The following SPTBN1 variants were observed in gnomAD, a reference collection of about 807,000 sequenced individuals.
The protein encoded by SPTBN1 is spectrin beta, non-erythrocytic 1, also known as spectrin beta chain, non-erythrocytic 1.
A neutral mutation model predicts 266.4 loss-of-function variants in SPTBN1; 32 were observed. The ratio of observed to expected loss-of-function variants is 0.12; its 90% CI spans 0.09 to 0.16. The LOEUF (loss-of-function observed/expected upper bound fraction) is 0.16, where lower values mean the gene tolerates loss of function less well. Among genes scored for constraint, SPTBN1 ranks in the 10% least tolerant of loss-of-function variants. The pLI is 1.00. For synonymous variants in SPTBN1, 1,336 were observed against 1,162.2 expected, an observed-to-expected ratio of 1.15 and a Z score of -3.04; for missense variants, 2,296 against 3,067.1, an observed-to-expected ratio of 0.75 and a Z score of 5.94.
In SPTBN1 at chr2:54,558,830, A is replaced by C. The variant is rs752662723; in HGVS notation, c.148+32264A>C. ...CTCCGGGCCGCTGTCGCCGGCGTACACGGGGCAGGTGCCTTACAACTACAA... is the reference window on the plus strand; with the variant it reads ...CTCCGGGCCGCTGTCGCCGGCGTACCCGGGGCAGGTGCCTTACAACTACAA... On this transcript the variant is annotated intron_variant, in intron 2 of 35. Coordinates refer to ENST00000356805, the MANE Select transcript of SPTBN1 (RefSeq NM_003128.3). This position sits in a 1 kb window ranked among gnomAD's most constrained non-coding sequence, Gnocchi z 4.6. The C allele has an allele frequency of 3.1e-6, 5 of 1,613,890 alleles. No individual in the cohort carries two copies. The Admixed American group carries it at 6.7e-5, about 22-fold the overall frequency.
intron 19 of SPTBN1, 128 bp downstream of exon 19, chr2:54,643,257 T>C: frequency 7.4e-7 from 1 of 1,353,898 alleles, no homozygotes; most frequent in Non-Finnish European, 9.9e-7. Context: ...ACACAGCCAG[T>C]AATAGCTCCC....
At chr2:54,478,021 G>C (rs1420360539) in intron 1 of SPTBN1, among the ~76,000 whole-genome samples, 1 of 152,014 alleles carries the variant, frequency 6.6e-6, no homozygotes, top group East Asian at 1.9e-4. Flanking sequence ...CCTTTTTGTT[G>C]ATACCAGTAT....
At chr2:54,636,134 A>T (rs981160348) in intron 17 of SPTBN1, among the ~76,000 whole-genome samples, 1 of 152,168 alleles carries the variant, frequency 6.6e-6, no homozygotes, top group South Asian at 2.1e-4. Flanking sequence ...TTGGAGTTTT[A>T]TATCATTTAA....
At chr2:54,615,818 G>T (rs6716759) in intron 4 of SPTBN1, among the ~76,000 whole-genome samples, 3,951 of 152,272 alleles carry the variant, frequency 0.026, 204 homozygotes, top group African/African-American at 0.09. Context: ...ATCAATGAAG[G>T]TTGCACGTGG....
intron 1 of SPTBN1, among the ~76,000 whole-genome samples, chr2:54,503,194 A>G (rs1669362341): frequency 6.6e-6 from 1 of 152,232 alleles, no homozygotes; most frequent in South Asian, 2.1e-4. Flanking sequence ...TGGTGTCTCC[A>G]TGCTGATATA....
chr2:54,581,577 C>CTTTTTTTTTTTTTTTTTTTTTTTTTTTTT (rs70944181), intron 2 of SPTBN1, among the ~76,000 whole-genome samples: 6 of 102,660 alleles, frequency 5.8e-5, no homozygotes, highest in South Asian at 3.7e-4. Context: ...TTTCTTTGCC[C>CTTTTTTTTTTTTTTTTTTTTTTTTTTTTT]TTTTTTTTTT....
intron 3 of SPTBN1, among the ~76,000 whole-genome samples, chr2:54,605,274 C>A (rs575614473): frequency 3.3e-5 from 5 of 152,288 alleles, no homozygotes; most frequent in Admixed American, 3.3e-4. Flanking sequence ...TCCCTCACTT[C>A]CTTTCACATG....
chr2:54,634,801 C>T (rs1679005259), intron 17 of SPTBN1, among the ~76,000 whole-genome samples: 1 of 152,090 alleles, frequency 6.6e-6, no homozygotes, highest in Non-Finnish European at 1.5e-5. Context: ...GAAAGAGTAC[C>T]AGAACAAAGA....
intron 30 of SPTBN1, among the ~76,000 whole-genome samples, chr2:54,658,748 A>G (rs1327649606): frequency 6.6e-6 from 1 of 152,204 alleles, no homozygotes; most frequent in Non-Finnish European, 1.5e-5. Flanking sequence ...ACAGATCCCC[A>G]CCACAGCACA....
chr2:54,671,338 A>G lies in SPTBN1; in HGVS notation c.*2769A>G, dbSNP rs1681676812. ...GTGATGGGCACATTGTCATTTCACCAAGTTCCTGGAACTGTTAGAATTGCT... is the reference window on the plus strand; with the variant it reads ...GTGATGGGCACATTGTCATTTCACCGAGTTCCTGGAACTGTTAGAATTGCT... On this transcript the variant is annotated 3_prime_UTR_variant, in exon 36 of 36. Coordinates refer to ENST00000356805, the MANE Select transcript of SPTBN1 (RefSeq NM_003128.3). The G allele has an allele frequency of 6.6e-6, 1 of 152,212 alleles. No homozygotes were observed. The highest frequency in any genetic ancestry group is 6.5e-5 in the Admixed American group (1 of 15,286). The allele number at this position is 152,212 out of a possible 1,614,324, so 9.4% of individuals were successfully genotyped here.
In SPTBN1 at chr2:54,460,614, G is replaced by A. The variant is rs144206201; in HGVS notation, c.-48+4096G>A. ...ATGTCTGTCATCTGATATAGTCAAT[G>A]TCCTGCCCTCTCGTCCAGTCTTTTC... On this transcript the variant is annotated intron_variant, in intron 1 of 35. Transcript: ENST00000356805. 2.0e-3 allele frequency among the ~76,000 whole-genome samples: 298 copies of A among 152,310 alleles called. 1 individual carries two copies. The highest frequency in any genetic ancestry group is 6.5e-3 in the African/African-American group (272 of 41,568).
rs141798903 is a variant in SPTBN1 at position 54,633,433 on chromosome 2, G to GTC, written c.3767+666_3767+667insCT. On this transcript the variant is annotated intron_variant, in intron 17 of 35. Coordinates refer to ENST00000356805, the MANE Select transcript of SPTBN1 (RefSeq NM_003128.3). Reference sequence around the variant, plus strand: ...CGTGTGTGTGTGTGTGTGCGTGTGTGTGTCTGTCTGTCTGTCTGAAAGATT... The same window carrying GTC: ...CGTGTGTGTGTGTGTGTGCGTGTGTGTCTGTCTGTCTGTCTGTCTGAAAGATT... 4.6e-3 allele frequency among the ~76,000 whole-genome samples: 703 copies of GTC among 151,802 alleles called. 5 individuals are homozygous for GTC. The highest frequency in any genetic ancestry group is 6.1e-3 in the Non-Finnish European group (417 of 67,924).
At chr2:54,579,454 C>T (rs1261485223) in intron 2 of SPTBN1, among the ~76,000 whole-genome samples, 1 of 151,884 alleles carries the variant, frequency 6.6e-6, no homozygotes, top group Admixed American at 6.6e-5. Flanking sequence ...CACACTCACC[C>T]ATAGGGACCG....
At chr2:54,527,828 T>C (rs985750465) in intron 2 of SPTBN1, 1 of 152,184 alleles carries the variant, frequency 6.6e-6, no homozygotes, top group Non-Finnish European at 1.5e-5. Context: ...CCCGCTGGTG[T>C]TGGAGAATCT....
Position 54,629,340 on chromosome 2 carries a change from C to G in SPTBN1, c.2206C>G (p.Arg736Gly). 2 of 1,614,030 alleles carry G rather than the reference C, an allele frequency of 1.2e-6. No individual in the cohort carries two copies. Among genetic ancestry groups the G allele is most frequent in the Non-Finnish European group, 8.5e-7 (1 of 1,180,016 alleles). Residue 736 changes from arginine to glycine, a missense_variant, in exon 14 of 36, where the codon CGG becomes GGG. Coordinates refer to ENST00000356805, the MANE Select transcript of SPTBN1 (RefSeq NM_003128.3). ...CAACCTAGAGCAGCTCTCGGCCATT[C>G]GGAAGAAGCGCCTGGAGGAGGCCTC... Reference protein sequence around the residue: ...WANLEQLSAIRKKRLEEASLL... With the variant: ...WANLEQLSAIGKKRLEEASLL...
At chr2:54,464,310 C>T (rs1194097338) in intron 1 of SPTBN1, among the ~76,000 whole-genome samples, 4 of 151,986 alleles carry the variant, frequency 2.6e-5, no homozygotes, top group East Asian at 1.9e-4. Context: ...TAAATTATGG[C>T]GCAACTGTAG....
intron 2 of SPTBN1, among the ~76,000 whole-genome samples, chr2:54,592,760 T>A (rs1002864544): frequency 6.6e-6 from 1 of 152,198 alleles, no homozygotes. Context: ...CAACAAAAGA[T>A]AGTGAATCTC....
At chr2:54,517,003 G>A (rs6545422) in intron 1 of SPTBN1, among the ~76,000 whole-genome samples, 119,546 of 152,174 alleles carry the variant, frequency 0.79, 47,651 homozygotes, top group African/African-American at 0.93. Flanking sequence ...CTGGCTTATG[G>A]TAAGGGGTTG....
intron 1 of SPTBN1, among the ~76,000 whole-genome samples, chr2:54,498,902 G>A (rs927317697): frequency 7.2e-5 from 11 of 152,194 alleles, no homozygotes; most frequent in African/African-American, 2.4e-4. Flanking sequence ...TTTTCACCTA[G>A]TGGTTAAGGA....
Sources: allele counts gnomAD v4.1 joint callset (sites outside exome capture counted in the v4.1 genomes callset), GRCh38; gene constraint gnomAD v4.1.1; non-coding constraint Gnocchi (gnomAD v3.1); transcripts MANE v1.5; gene names NCBI Gene and HGNC (gene_info 2026-07-23, HGNC 2026-07-21).